The following CATSPERG variants were observed in gnomAD, a reference collection of about 807,000 sequenced individuals.
The protein encoded by CATSPERG is catsper channel auxiliary subunit gamma.
CATSPERG carries 115 observed loss-of-function variants against 145.0 expected under a neutral mutation model. The ratio of observed to expected loss-of-function variants is 0.79; its 90% CI spans 0.68 to 0.93. The LOEUF (loss-of-function observed/expected upper bound fraction) is 0.93. Ranked by LOEUF, CATSPERG falls within the 40% of genes least tolerant of loss-of-function variation. The pLI, the probability that CATSPERG is intolerant of heterozygous loss-of-function variation, is 0.00. For missense variants in CATSPERG, 1,296 were observed against 1,490.1 expected (o/e 0.87, Z 2.14); for synonymous variants, 588 against 589.0 (o/e 1.00, Z 0.02).
intron 8 of CATSPERG, among the ~76,000 whole-genome samples, chr19:38,353,467 T>A (rs898140743): frequency 4.0e-5 from 6 of 151,898 alleles, no homozygotes; most frequent in Non-Finnish European, 7.4e-5. Context: ...GGCAGGTAGA[T>A]CACATGGTCA....
At chr19:38,348,848 A>AT (rs1426764835) in intron 7 of CATSPERG, among the ~76,000 whole-genome samples, 4 of 151,816 alleles carry the variant, frequency 2.6e-5, no homozygotes, top group South Asian at 2.1e-4. Context: ...CTTGTTCCTT[A>AT]TTTTTTTTAA....
Position 38,337,590 on chromosome 19 carries a change from C to T in CATSPERG, c.271-3C>T, listed in dbSNP as rs1368437428. On this transcript the variant is annotated splice_region_variant and splice_polypyrimidine_tract_variant and intron_variant, in intron 2 of 28. Transcript: ENST00000409235. ...GGACGTGTGGCCTAACCTCTCTTTG[C>T]AGAAATACCTGGGCTTCCCTTACTA... The T allele has an allele frequency of 6.4e-7, 1 of 1,551,782 alleles. No homozygotes were observed.
At chr19:38,363,965 C>T (rs1252025769) in intron 20 of CATSPERG, among the ~76,000 whole-genome samples, 1 of 152,260 alleles carries the variant, frequency 6.6e-6, no homozygotes, top group Non-Finnish European at 1.5e-5. Context: ...GGCCCGTTCT[C>T]AATGAGCTGT....
chr19:38,365,172 A>G, intron 22 of CATSPERG, 55 bp downstream of exon 22: 6 of 1,461,016 alleles, frequency 4.1e-6, no homozygotes, highest in Non-Finnish European at 5.8e-6. Flanking sequence ...GTCGGGTCTC[A>G]ACAGGGCTAA....
chr19:38,351,586 T>C (rs1014795503), intron 7 of CATSPERG, among the ~76,000 whole-genome samples: 8 of 146,434 alleles, frequency 5.5e-5, no homozygotes, highest in Admixed American at 1.4e-4. Flanking sequence ...CCAGCCTGGG[T>C]GACAGAGCAA....
intron 7 of CATSPERG, among the ~76,000 whole-genome samples, chr19:38,348,478 T>C (rs199801332): frequency 1.9e-5 from 2 of 105,234 alleles, no homozygotes; most frequent in East Asian, 4.8e-4. Context: ...TTTTTTTTTG[T>C]TTTTTTTTTT....
Position 38,337,256 on chromosome 19 carries a change from C to T in CATSPERG, c.22C>T (p.Pro8Ser). The change falls in exon 2 of 29, where the codon CCT (proline) becomes TCT (serine). Residue 8 changes from proline (P) to serine (S), a missense_variant. By Grantham distance (74) the Pro-to-Ser change is moderately conservative. Transcript: ENST00000409235. Reference protein sequence around the residue: MCGPAMFPAGPPWPRVRV... With the variant: MCGPAMFSAGPPWPRVRV... ...CGTTATGTGCGGCCCAGCCATGTTCCCTGCCGGTCCTCCGTGGCCCAGAGT... is the reference window on the plus strand; with the variant it reads ...CGTTATGTGCGGCCCAGCCATGTTCTCTGCCGGTCCTCCGTGGCCCAGAGT... The T allele has an allele frequency of 6.4e-7, 1 of 1,551,414 alleles. No individual in the cohort carries two copies. The highest frequency in any genetic ancestry group is 2.0e-5 in the Admixed American group (1 of 50,994).
Position 38,358,515 on chromosome 19 carries a change from C to A in CATSPERG, c.1450C>A (p.Pro484Thr). The change falls in exon 13 of 29, where the codon CCG (proline) becomes ACG (threonine). Residue 484 changes from proline (P) to threonine (T), a missense_variant. Pro to Thr is a conservative substitution (Grantham distance 38, BLOSUM62 -1). Coordinates refer to ENST00000409235, the MANE Select transcript of CATSPERG (RefSeq NM_021185.5). ...GGCCCCCAAGGGCATCTTCTGTAAC[C>A]CGTACAACAATCTGATCTTCATCTG... ...AMAPKGIFCNPYNNLIFIWGN... is the reference protein window; with the variant it reads ...AMAPKGIFCNTYNNLIFIWGN... 1.9e-6 allele frequency: 3 copies of A among 1,614,190 alleles called. No individual in the cohort carries two copies. In the South Asian group the frequency reaches 3.3e-5, roughly 18 times the overall value.
At chr19:38,342,176 GA>G (rs547856221) in intron 3 of CATSPERG, among the ~76,000 whole-genome samples, 267 of 150,222 alleles carry the variant, frequency 1.8e-3, no homozygotes, top group Middle Eastern at 7.1e-3. Flanking sequence ...AAGAGTTCAA[GA>G]CCAACCTGGC....
intron 6 of CATSPERG, 86 bp from the exon 7 acceptor site, chr19:38,346,364 G>T (rs1429863534): frequency 1.5e-6 from 2 of 1,311,736 alleles, no homozygotes; most frequent in African/African-American, 1.5e-5. Flanking sequence ...GGCCTTGTGG[G>T]TCCAGGTCAG....
In CATSPERG at chr19:38,361,682, C is replaced by A; in HGVS notation, c.1915C>A (p.Pro639Thr). 1 of 1,611,886 alleles carries A rather than the reference C, an allele frequency of 6.2e-7. No homozygotes were observed. Among genetic ancestry groups the A allele is most frequent in the Non-Finnish European group, 8.5e-7 (1 of 1,179,904 alleles). ...YLMLSFIDFCPFSVMRLRSLP... is the reference protein window; with the variant it reads ...YLMLSFIDFCTFSVMRLRSLP... Reference sequence around the variant, plus strand: ...GATGCTCTCCTTCATCGACTTCTGCCCCTTCTCGGTGATGCGCCTGCGGAG... The same window carrying A: ...GATGCTCTCCTTCATCGACTTCTGCACCTTCTCGGTGATGCGCCTGCGGAG... The change falls in exon 17 of 29, where the codon CCC (proline) becomes ACC (threonine). Residue 639 changes from proline to threonine, a missense_variant. Physicochemically the swap from Pro to Thr is conservative, Grantham distance 38. Transcript: ENST00000409235.
intron 26 of CATSPERG, 137 bp from the exon 27 acceptor site, chr19:38,369,835 A>C: frequency 3.8e-6 from 3 of 790,996 alleles, no homozygotes; most frequent in Non-Finnish European, 6.6e-6. Flanking sequence ...GAATGAGTGA[A>C]TGAAGGAATG....
chr19:38,337,494 A>T lies in CATSPERG; in HGVS notation c.260A>T (p.Asp87Val), dbSNP rs1402288039. The T allele has an allele frequency of 1.9e-6, 3 of 1,551,966 alleles. No individual in the cohort carries two copies. The highest frequency in any genetic ancestry group is 1.7e-6 in the Non-Finnish European group (2 of 1,147,042). ...LFHMLVDSPI[D>V]PSEKYLGFPY... ...CACATGCTGGTGGACTCACCCATCGACCCGAGCGAGGTGAGGGGACCAGGG... is the reference window on the plus strand; with the variant it reads ...CACATGCTGGTGGACTCACCCATCGTCCCGAGCGAGGTGAGGGGACCAGGG... Residue 87 changes from aspartate to valine, a missense_variant, in exon 2 of 29, where the codon GAC (aspartate) becomes GTC (valine). Asp to Val is a radical substitution (Grantham distance 152, BLOSUM62 -3). Transcript: ENST00000409235.
chr19:38,343,461 T>TTCTGCACCTGCTGCTA (rs1969971100), intron 3 of CATSPERG, 119 bp from the exon 4 acceptor site: 1 of 886,552 alleles, frequency 1.1e-6, no homozygotes, highest in Non-Finnish European at 1.7e-6. Flanking sequence ...GACCATCACA[T>TTCTGCACCTGCTGCTA]GGTGGACAGT....
chr19:38,347,018 C>T (rs1397451078), intron 7 of CATSPERG, among the ~76,000 whole-genome samples: 2 of 152,072 alleles, frequency 1.3e-5, no homozygotes, highest in Non-Finnish European at 2.9e-5. Context: ...TGAGACCAGC[C>T]TGGACAACAT....
chr19:38,349,094 A>G (rs1970091022), intron 7 of CATSPERG: 1 of 152,176 alleles, frequency 6.6e-6, no homozygotes, highest in African/African-American at 2.4e-5. Flanking sequence ...CGCCACACGT[A>G]GAAACTACAA....
chr19:38,359,281 C>A (rs1970302547), intron 13 of CATSPERG, among the ~76,000 whole-genome samples, 189 bp from the exon 14 acceptor site: 1 of 151,792 alleles, frequency 6.6e-6, no homozygotes, highest in South Asian at 2.1e-4. Context: ...GCCCAATGCT[C>A]CTGTTTTACA....
At chr19:38,341,700 G>A (rs1318270569) in intron 3 of CATSPERG, among the ~76,000 whole-genome samples, 2 of 152,066 alleles carry the variant, frequency 1.3e-5, no homozygotes, top group African/African-American at 2.4e-5. Context: ...TCAGGAGTTC[G>A]AGACTAGCCT....
At chr19:38,346,257 G>A (rs1031626691) in intron 6 of CATSPERG, among the ~76,000 whole-genome samples, 193 bp from the exon 7 acceptor site, 1 of 152,200 alleles carries the variant, frequency 6.6e-6, no homozygotes, top group Admixed American at 6.5e-5. Context: ...TGGGAGGTCT[G>A]AGAAGCAGAG....
Sources: allele counts gnomAD v4.1 joint callset (sites outside exome capture counted in the v4.1 genomes callset), GRCh38; gene constraint gnomAD v4.1.1; transcripts MANE v1.5; gene names NCBI Gene and HGNC (gene_info 2026-07-23, HGNC 2026-07-21).